The following FOXP1 variants were observed in gnomAD, a reference collection of about 807,000 sequenced individuals.
The protein encoded by FOXP1 is forkhead box P1.
In FOXP1, 15 loss-of-function variants were observed where a neutral mutation model predicts 98.2. The ratio of observed to expected loss-of-function variants is 0.15; its 90% CI spans 0.10 to 0.24. The LOEUF (loss-of-function observed/expected upper bound fraction) is 0.24, where lower values mean the gene tolerates loss of function less well. FOXP1 is among the 10% of genes least tolerant of loss of function. The pLI, the probability that FOXP1 is intolerant of heterozygous loss-of-function variation, is 1.00. For missense variants in FOXP1, 633 were observed against 848.5 expected, an observed-to-expected ratio of 0.75 and a Z score of 3.15; for synonymous variants, 371 against 314.5, an observed-to-expected ratio of 1.18 and a Z score of -1.90.
chr3:71,389,172 C>T (rs1227160374), intron 3 of FOXP1, among the ~76,000 whole-genome samples: 2 of 140,626 alleles, frequency 1.4e-5, no homozygotes, highest in Admixed American at 8.0e-5. Flanking sequence ...TTCCTGATTC[C>T]GATATGGTGC....
At chr3:71,427,840 C>T (rs2084303787) in intron 3 of FOXP1, among the ~76,000 whole-genome samples, 1 of 152,146 alleles carries the variant, frequency 6.6e-6, no homozygotes, top group Non-Finnish European at 1.5e-5. Context: ...GGAAGATGAG[C>T]AGGCACCAAA....
intron 3 of FOXP1, among the ~76,000 whole-genome samples, chr3:71,369,452 T>C (rs112805279): frequency 0.015 from 2,352 of 152,256 alleles, 67 homozygotes; most frequent in African/African-American, 0.052. Flanking sequence ...TGGAGTACAA[T>C]GGCGCAATCT....
At chr3:71,145,588 T>C (rs1007133827) in intron 6 of FOXP1, among the ~76,000 whole-genome samples, 4 of 152,176 alleles carry the variant, frequency 2.6e-5, no homozygotes, top group African/African-American at 9.7e-5. Flanking sequence ...CCAGCTGTTT[T>C]CCAAGGTGGC....
intron 7 of FOXP1, among the ~76,000 whole-genome samples, chr3:71,085,246 A>G (rs2054905787): frequency 6.6e-6 from 1 of 152,174 alleles, no homozygotes; most frequent in Admixed American, 6.5e-5. Flanking sequence ...ATGGTCAAGC[A>G]ATCCTCCCAT....
intron 5 of FOXP1, among the ~76,000 whole-genome samples, chr3:71,251,440 G>GATGT (rs1471959967): frequency 6.6e-6 from 1 of 152,186 alleles, no homozygotes; most frequent in East Asian, 1.9e-4. Context: ...GATTAGTATT[G>GATGT]ATGTAACAAA....
At chr3:71,269,249 C>T (rs1303053293) in intron 5 of FOXP1, among the ~76,000 whole-genome samples, 2 of 151,594 alleles carry the variant, frequency 1.3e-5, no homozygotes, top group African/African-American at 2.4e-5. Context: ...TTGAAGATGA[C>T]AATTTATGAA....
chr3:71,422,839 A>G (rs2083768153), intron 3 of FOXP1, among the ~76,000 whole-genome samples: 1 of 151,862 alleles, frequency 6.6e-6, no homozygotes, highest in Non-Finnish European at 1.5e-5. Context: ...AGAGTTACCT[A>G]CCATTTCTGG....
intron 6 of FOXP1, among the ~76,000 whole-genome samples, chr3:71,182,537 T>A (rs1256106716): frequency 3.6e-5 from 4 of 111,930 alleles, no homozygotes; most frequent in African/African-American, 1.1e-4. Context: ...TGTGTGTATA[T>A]ATGTATATAT....
chr3:71,140,973 G>C (rs572080058), intron 6 of FOXP1, among the ~76,000 whole-genome samples: 1 of 151,360 alleles, frequency 6.6e-6, no homozygotes, highest in South Asian at 2.1e-4. Context: ...AAATTGCCAA[G>C]AAACTGTGAT....
intron 2 of FOXP1, among the ~76,000 whole-genome samples, chr3:71,537,332 A>G (rs1486483144): frequency 1.3e-5 from 2 of 152,214 alleles, no homozygotes; most frequent in African/African-American, 4.8e-5. Flanking sequence ...GGAAAGACTG[A>G]AAGCGAGGCA....
At chr3:71,081,776 T>G (rs905677487) in intron 7 of FOXP1, among the ~76,000 whole-genome samples, 1 of 152,022 alleles carries the variant, frequency 6.6e-6, no homozygotes, top group Non-Finnish European at 1.5e-5. Context: ...TCACTCACAT[T>G]TCACTTGTCT....
intron 5 of FOXP1, among the ~76,000 whole-genome samples, chr3:71,255,352 C>A (rs1431446851): frequency 1.3e-5 from 2 of 152,040 alleles, no homozygotes; most frequent in African/African-American, 4.8e-5. Flanking sequence ...ATCTGTACCC[C>A]GAAATGTTTT....
At chr3:71,080,608 T>C (rs1306575810) in intron 7 of FOXP1, among the ~76,000 whole-genome samples, 3 of 152,242 alleles carry the variant, frequency 2.0e-5, no homozygotes, top group African/African-American at 7.2e-5. Context: ...ACATCTTATT[T>C]CTATTCAGCC....
chr3:71,542,275 T>A (rs536665032), intron 2 of FOXP1, among the ~76,000 whole-genome samples: 1 of 152,246 alleles, frequency 6.6e-6, no homozygotes, highest in Non-Finnish European at 1.5e-5. Context: ...CTTAAGCATA[T>A]TACGATTCTT....
chr3:71,414,779 C>CT (rs2083082576), intron 3 of FOXP1, among the ~76,000 whole-genome samples: 1 of 152,190 alleles, frequency 6.6e-6, no homozygotes, highest in African/African-American at 2.4e-5. Flanking sequence ...ACTAAAAAGA[C>CT]AATCACAGAG....
At chr3:71,453,428 C>T (rs1390374082) in intron 3 of FOXP1, among the ~76,000 whole-genome samples, 1 of 152,176 alleles carries the variant, frequency 6.6e-6, no homozygotes, top group Admixed American at 6.5e-5. Context: ...GACCTGGTTA[C>T]CTTGGCTATC....
At chr3:71,522,547 G>A (rs1348276888) in intron 2 of FOXP1, among the ~76,000 whole-genome samples, 1 of 152,196 alleles carries the variant, frequency 6.6e-6, no homozygotes, top group Non-Finnish European at 1.5e-5. Flanking sequence ...TTAAAAGACA[G>A]AAAAGGTACT....
At chr3:70,961,630 ATTTT>A (rs140091662) in intron 20 of FOXP1, among the ~76,000 whole-genome samples, 1 of 147,420 alleles carries the variant, frequency 6.8e-6, no homozygotes, top group South Asian at 2.1e-4. Flanking sequence ...ACGGATGGGG[ATTTT>A]TTTTTTTAAT....
At chr3:71,406,540 C>G (rs990971507) in intron 3 of FOXP1, among the ~76,000 whole-genome samples, 4 of 151,282 alleles carry the variant, frequency 2.6e-5, no homozygotes, top group African/African-American at 9.7e-5. Flanking sequence ...ATCTCTCAGG[C>G]TCTCTCTCTT....
Sources: gnomAD v4.1 joint callset for allele counts (sites outside exome capture counted in the v4.1 genomes callset) on GRCh38, gnomAD v4.1.1 for gene constraint, MANE v1.5 for transcripts, NCBI Gene and HGNC (gene_info 2026-07-23, HGNC 2026-07-21) for gene names.